KNTC1: variants seen among roughly 807,000 people sequenced by gnomAD.
KNTC1 encodes kinetochore-associated protein 1.
In KNTC1, 253 loss-of-function variants were observed where a neutral mutation model predicts 314.4. The ratio of observed to expected loss-of-function variants is 0.80; its 90% confidence interval spans 0.73 to 0.89. The LOEUF is 0.89. KNTC1 is among the 40% of genes least tolerant of loss of function. The pLI is 0.00. For missense variants in KNTC1, 2,475 were observed against 2,572.9 expected (o/e 0.96, Z 0.82); for synonymous variants, 901 against 901.4 (o/e 1.00, Z 0.01).
intron 2 of KNTC1, among the ~76,000 whole-genome samples, chr12:122,531,815 G>A (rs761451008): frequency 1.3e-5 from 2 of 149,852 alleles, no homozygotes; most frequent in African/African-American, 2.5e-5. Flanking sequence ...CTCACTGCAA[G>A]CTCTGCCTCC....
chr12:122,586,437 G>T (rs935604938), intron 37 of KNTC1, among the ~76,000 whole-genome samples: 72 of 152,168 alleles, frequency 4.7e-4, no homozygotes, highest in African/African-American at 1.7e-3. Context: ...CGTTTATCAG[G>T]TTATACACTT....
At position 122,624,673 on chromosome 12, in the gene KNTC1, C is replaced by T. The variant is rs1378335147; in HGVS notation, c.6591C>T (p.Pro2197=). The part of the protein sequence containing the change: ...CGKPVPPDTA[P]CEILKMFLSG... ...AACCTGTGCCTCCAGACACTGCTCC[C>T]TGTGAAATTCTGAAGGTAAAGCTGA... Residue 2197 remains proline, a synonymous_variant, in exon 63 of 64, where the codon CCC becomes CCT. Transcript: ENST00000333479. 6.2e-7 allele frequency: 1 copy of T among 1,612,594 alleles called. No homozygotes were observed. The highest frequency in any genetic ancestry group is 8.5e-7 in the Non-Finnish European group (1 of 1,178,652).
At position 122,590,689 on chromosome 12, in the gene KNTC1, T is replaced by G; in HGVS notation, c.4082T>G (p.Leu1361Arg). ...LLPQKDVFEN[L>R]WKLIDKAWQN... ...CCTCAAAAAGATGTGTTTGAAAATC[T>G]CTGGAAGCTCATAGATAAAGCATGG... Residue 1361 changes from leucine (L) to arginine (R), a missense_variant, in exon 41 of 64, where the codon CTC becomes CGC. Transcript: ENST00000333479. 6.2e-7 allele frequency: 1 copy of G among 1,613,680 alleles called. No individual in the cohort carries two copies. Among genetic ancestry groups the G allele is most frequent in the Non-Finnish European group, 8.5e-7 (1 of 1,179,722 alleles).
intron 39 of KNTC1, 31 bp downstream of exon 39, chr12:122,587,905 G>A: frequency 5.7e-6 from 9 of 1,591,642 alleles, no homozygotes; most frequent in Non-Finnish European, 7.7e-6. Flanking sequence ...ACTTTGACTT[G>A]GGGTGAATAT....
intron 43 of KNTC1, among the ~76,000 whole-genome samples, chr12:122,596,365 G>A (rs1007720613): frequency 2.6e-5 from 4 of 151,904 alleles, no homozygotes; most frequent in African/African-American, 9.7e-5. Context: ...TTACAGGCGT[G>A]AGCCACCATG....
At chr12:122,604,525 C>T (rs1872360022) in intron 48 of KNTC1, 39 bp from the exon 49 acceptor site, 3 of 1,126,890 alleles carry the variant, frequency 2.7e-6, no homozygotes, top group Admixed American at 2.2e-5. Flanking sequence ...TAAGATTTGC[C>T]TGTAAATCTT....
At chr12:122,604,527 G>A (rs1466842949) in intron 48 of KNTC1, 37 bp from the exon 49 acceptor site, 3 of 1,174,908 alleles carry the variant, frequency 2.6e-6, no homozygotes, top group Non-Finnish European at 2.4e-6. Context: ...AGATTTGCCT[G>A]TAAATCTTTA....
intron 3 of KNTC1, among the ~76,000 whole-genome samples, chr12:122,538,112 T>C (rs1565930936): frequency 6.6e-6 from 1 of 152,152 alleles, no homozygotes; most frequent in African/African-American, 2.4e-5. Flanking sequence ...CACTCCAGCC[T>C]GGGTAGCAGA....
intron 16 of KNTC1, among the ~76,000 whole-genome samples, chr12:122,555,952 T>C (rs1192611790): frequency 2.0e-4 from 30 of 152,196 alleles, no homozygotes; most frequent in Non-Finnish European, 1.5e-5. Flanking sequence ...ATCAAGCTAA[T>C]TAACATAACT....
chr12:122,590,424 A>G (rs573470691), intron 40 of KNTC1, among the ~76,000 whole-genome samples, 183 bp from the exon 41 acceptor site: 15 of 152,308 alleles, frequency 9.8e-5, no homozygotes, highest in African/African-American at 2.4e-5. Flanking sequence ...TGTAGTGTCT[A>G]TAATTCAATT....
chr12:122,572,912 A>G (rs1964789528), intron 24 of KNTC1, 25 bp from the exon 25 acceptor site: 1 of 1,458,154 alleles, frequency 6.9e-7, no homozygotes, highest in Non-Finnish European at 9.4e-7. Context: ...TTATATCGTT[A>G]ACAACTTTAA....
Position 122,600,583 on chromosome 12 carries a change from A to G in KNTC1, c.4564-953A>G, listed in dbSNP as rs1871730443. Among the ~76,000 whole-genome samples, 3 of 152,222 alleles carry G rather than the reference A, an allele frequency of 2.0e-5. No homozygotes were observed. The South Asian group carries it at 6.2e-4, about 32-fold the overall frequency. On this transcript the variant is annotated intron_variant, in intron 44 of 63. Transcript: ENST00000333479. The stretch of plus-strand genomic sequence containing the variant: ...GTTCCAATTTTCCCATCGTAAATGA[A>G]AGAAAGGGAACTTTAATTTCAAAAT...
chr12:122,587,828 T>C lies in KNTC1; in HGVS notation c.3848T>C (p.Leu1283Pro). The part of the protein sequence containing the change: ...RFVVGSFGTC[L>P]QHSVSNFMNA... ...GTGGTTGGTTCATTTGGTACCTGTCTTCAGCACTCTGTGTCAAACTTCATG... is the reference window on the plus strand; with the variant it reads ...GTGGTTGGTTCATTTGGTACCTGTCCTCAGCACTCTGTGTCAAACTTCATG... The change falls in exon 39 of 64, where the codon CTT becomes CCT. Residue 1283 changes from leucine to proline, a missense_variant. Leu to Pro is a moderately conservative substitution (Grantham distance 98). Coordinates refer to ENST00000333479, the MANE Select transcript of KNTC1 (RefSeq NM_014708.6). The C allele has an allele frequency of 6.2e-7, 1 of 1,613,874 alleles. No individual in the cohort carries two copies. Among genetic ancestry groups the C allele is most frequent in the Non-Finnish European group, 8.5e-7 (1 of 1,179,826 alleles).
chr12:122,584,418 T>A lies in KNTC1; in HGVS notation c.3404T>A (p.Leu1135Gln). ...GLNLPSMIHD[L>Q]ASQAATICSP... Reference sequence around the variant, plus strand: ...AATCTTCCTTCCATGATACATGATCTAGCAAGCCAAGCTGCCACCATTTGC... The same window carrying A: ...AATCTTCCTTCCATGATACATGATCAAGCAAGCCAAGCTGCCACCATTTGC... The change falls in exon 35 of 64, where the codon CTA becomes CAA. Residue 1135 changes from leucine (L) to glutamine (Q), a missense_variant. Coordinates refer to ENST00000333479, the MANE Select transcript of KNTC1 (RefSeq NM_014708.6). 1 of 1,611,174 alleles carries A rather than the reference T, an allele frequency of 6.2e-7. No individual in the cohort carries two copies. Among genetic ancestry groups the A allele is most frequent in the Non-Finnish European group, 8.5e-7 (1 of 1,178,356 alleles).
intron 4 of KNTC1, 79 bp from the exon 5 acceptor site, chr12:122,539,597 C>A: frequency 1.0e-6 from 1 of 993,618 alleles, no homozygotes; most frequent in Non-Finnish European, 1.5e-6. Flanking sequence ...TAATTGATAA[C>A]TCTAGAGTTT....
In KNTC1 at chr12:122,551,492, A is replaced by G. The variant is rs376756586; in HGVS notation, c.1165A>G (p.Arg389Gly). 32 of 1,597,652 alleles carry G rather than the reference A, an allele frequency of 2.0e-5. No homozygotes were observed. The Admixed American group carries it at 2.3e-4, about 11-fold the overall frequency. ...SEDSVSVLVL[R>G]CLTEALPENR... is the part of the protein sequence containing the mutation. ...AGACTCAGTCTCTGTGTTAGTACTC[A>G]GATGTCTTACGGAAGCTTTACCAGA... is the stretch of plus-strand genomic sequence containing the variant. The change falls in exon 15 of 64, where the codon AGA becomes GGA. Residue 389 changes from arginine (R) to glycine (G), a missense_variant. By Grantham distance (125) the Arg-to-Gly change is moderately radical (BLOSUM62 -2). Coordinates refer to ENST00000333479, the MANE Select transcript of KNTC1 (RefSeq NM_014708.6).
At chr12:122,562,866 A>G (rs952681930) in intron 20 of KNTC1, among the ~76,000 whole-genome samples, 167 bp downstream of exon 20, 5 of 152,138 alleles carry the variant, frequency 3.3e-5, no homozygotes, top group Admixed American at 3.3e-4. Context: ...AAAATTAGCC[A>G]GGCGTGGTGG....
rs182358347 is a variant in KNTC1, at chr12:122,597,393, C to T, written c.4356-338C>T. Reference sequence around the variant, plus strand: ...CTTCCCGAGTAGCTGGGACTACAGCCATGCGCCACCATGCCTGGCTAATTT... The same window carrying T: ...CTTCCCGAGTAGCTGGGACTACAGCTATGCGCCACCATGCCTGGCTAATTT... On this transcript the variant is annotated intron_variant, in intron 43 of 63. Coordinates refer to ENST00000333479, the MANE Select transcript of KNTC1 (RefSeq NM_014708.6). 154 of 301,324 alleles carry T rather than the reference C, an allele frequency of 5.1e-4. 3 individuals are homozygous for T. The highest frequency in any genetic ancestry group is 4.1e-3 in the South Asian group (130 of 31,784). The allele number at this position is 301,324 out of a possible 1,614,324, so 18.7% of individuals were successfully genotyped here.
intron 34 of KNTC1, among the ~76,000 whole-genome samples, chr12:122,584,054 G>T (rs955314928): frequency 1.4e-4 from 22 of 152,170 alleles, no homozygotes; most frequent in African/African-American, 5.1e-4. Flanking sequence ...GACCCTGGAG[G>T]TTGAGGCTGC....
Sources: allele counts gnomAD v4.1 joint callset (sites outside exome capture counted in the v4.1 genomes callset), GRCh38; gene constraint gnomAD v4.1.1; transcripts MANE v1.5; gene names NCBI Gene and HGNC (gene_info 2026-07-23, HGNC 2026-07-21).